Variants in B3GALT1 observed in about 807,000 individuals in gnomAD.
B3GALT1 encodes the protein UDP-Gal:betaGlcNAc beta 1,3-galactosyltransferase, polypeptide 1.
B3GALT1 carries 10 observed loss-of-function variants against 23.2 expected under a neutral mutation model. The observed-to-expected ratio is 0.43, with a 90% confidence interval of 0.27 to 0.73. The LOEUF (loss-of-function observed/expected upper bound fraction) is 0.73, where lower values mean the gene tolerates loss of function less well. Ranked by LOEUF, B3GALT1 falls within the 30% of genes least tolerant of loss-of-function variation. B3GALT1 has a pLI of 0.21. For missense variants in B3GALT1, 299 were observed against 405.4 expected (o/e 0.74, Z 2.25); for synonymous variants, 156 against 141.5 (o/e 1.10, Z -0.73).
chr2:167,310,269 A>G (rs1696615557), intron 1 of B3GALT1, among the ~76,000 whole-genome samples: 1 of 152,082 alleles, frequency 6.6e-6, no homozygotes, highest in Admixed American at 6.6e-5. Flanking sequence ...CTGGTGAGCC[A>G]GTATCTCCCT....
At chr2:167,651,261 TGTGTGTGTGTGC>T (rs752643530) in intron 3 of B3GALT1, among the ~76,000 whole-genome samples, 1 of 14,432 alleles carries the variant, frequency 6.9e-5, no homozygotes, top group Admixed American at 3.0e-4. Flanking sequence ...TGTGTGTGTG[TGTGTGTGTGTGC>T]GCGCACGTGC....
intron 2 of B3GALT1, among the ~76,000 whole-genome samples, chr2:167,573,854 G>T (rs181461917): frequency 4.0e-5 from 6 of 151,690 alleles, no homozygotes; most frequent in Admixed American, 6.6e-5. Context: ...CTGACAAGGT[G>T]CAATTCAAGA....
intron 1 of B3GALT1, among the ~76,000 whole-genome samples, chr2:167,447,135 CCT>C (rs1270366612): frequency 2.6e-5 from 4 of 152,124 alleles, no homozygotes; most frequent in African/African-American, 9.7e-5. Context: ...CACTCCAGAC[CCT>C]GTTTGCCTGG....
At chr2:167,493,295 G>GA (rs2105343645) in intron 2 of B3GALT1, among the ~76,000 whole-genome samples, 1 of 152,118 alleles carries the variant, frequency 6.6e-6, no homozygotes, top group Admixed American at 6.5e-5. Context: ...ACTGGTAGAG[G>GA]GCTACTTTCT....
At chr2:167,766,672 G>A (rs148440411) in intron 3 of B3GALT1, among the ~76,000 whole-genome samples, 1 of 152,266 alleles carries the variant, frequency 6.6e-6, no homozygotes, top group East Asian at 1.9e-4. Flanking sequence ...AATGCCTAAT[G>A]ATTTCCCATC....
chr2:167,752,961 G>T (rs1687762218), intron 3 of B3GALT1, among the ~76,000 whole-genome samples: 1 of 152,166 alleles, frequency 6.6e-6, no homozygotes, highest in South Asian at 2.1e-4. Flanking sequence ...GGATAACTCT[G>T]CATGTGAATA....
intron 1 of B3GALT1, among the ~76,000 whole-genome samples, chr2:167,484,018 T>C (rs1243901479): frequency 1.3e-5 from 2 of 152,222 alleles, no homozygotes; most frequent in Non-Finnish European, 2.9e-5. Context: ...AGAAGCTCCA[T>C]ATGAGCCCTA....
At chr2:167,356,749 A>G (rs1297280641) in intron 1 of B3GALT1, among the ~76,000 whole-genome samples, 1 of 151,964 alleles carries the variant, frequency 6.6e-6, no homozygotes, top group Admixed American at 6.6e-5. Context: ...TGACATATAT[A>G]CATATATGTA....
chr2:167,392,578 G>C (rs148387769), intron 1 of B3GALT1, among the ~76,000 whole-genome samples: 1 of 152,198 alleles, frequency 6.6e-6, no homozygotes, highest in Non-Finnish European at 1.5e-5. Context: ...CTTGTCTTGA[G>C]ATGTATTAAA....
Position 167,504,456 on chromosome 2 carries a change from A to C in B3GALT1, c.-410+14179A>C, listed in dbSNP as rs558373869. On this transcript the variant is annotated intron_variant, in intron 2 of 4. Transcript: ENST00000392690. Reference sequence around the variant, plus strand: ...AGGTCCTGCTTTGATCTGTTTTGTGATTGGGTTGCATGGGAAAGCAAATTA... The same window carrying C: ...AGGTCCTGCTTTGATCTGTTTTGTGCTTGGGTTGCATGGGAAAGCAAATTA... Among the ~76,000 whole-genome samples the C allele has an allele frequency of 2.0e-4, 31 of 152,294 alleles. No homozygotes were observed. In the South Asian group the frequency reaches 6.4e-3, roughly 32 times the overall value.
intron 3 of B3GALT1, chr2:167,714,934 C>T: frequency 5.6e-6 from 9 of 1,611,528 alleles, no homozygotes; most frequent in Non-Finnish European, 7.6e-6. Flanking sequence ...TCTGTTGAAG[C>T]TTCTGATTCT....
At chr2:167,816,035 T>C (rs1389754351) in intron 3 of B3GALT1, among the ~76,000 whole-genome samples, 2 of 152,246 alleles carry the variant, frequency 1.3e-5, no homozygotes, top group African/African-American at 2.4e-5. Context: ...GCAGTGCCTC[T>C]AACTTAAGTA....
chr2:167,392,725 A>G (rs1398391608), intron 1 of B3GALT1, among the ~76,000 whole-genome samples: 1 of 152,198 alleles, frequency 6.6e-6, no homozygotes, highest in African/African-American at 2.4e-5. Flanking sequence ...CCCATAAATT[A>G]TCACAAAAGA....
At chr2:167,830,244 G>A (rs1169210139) in intron 4 of B3GALT1, among the ~76,000 whole-genome samples, 1 of 152,062 alleles carries the variant, frequency 6.6e-6, no homozygotes, top group African/African-American at 2.4e-5. Flanking sequence ...ACCTCACTAA[G>A]GCCGGGTCTT....
intron 4 of B3GALT1, among the ~76,000 whole-genome samples, chr2:167,824,650 GC>G (rs947403325): frequency 3.2e-4 from 49 of 152,268 alleles, no homozygotes; most frequent in Middle Eastern, 3.4e-3. Flanking sequence ...AGCCTCCAGA[GC>G]CTAAGGAAGA....
intron 3 of B3GALT1, among the ~76,000 whole-genome samples, chr2:167,789,528 C>T (rs1025864288): frequency 4.0e-5 from 6 of 151,896 alleles, no homozygotes; most frequent in South Asian, 4.2e-4. Flanking sequence ...ACGGTGGATT[C>T]CAATATAATA....
intron 3 of B3GALT1, among the ~76,000 whole-genome samples, chr2:167,802,233 T>A (rs1389811412): frequency 6.6e-6 from 1 of 152,208 alleles, no homozygotes; most frequent in Non-Finnish European, 1.5e-5. Context: ...ACTTAGCATG[T>A]GGTGAACATG....
At chr2:167,842,509 C>T (rs10205521) in intron 4 of B3GALT1, among the ~76,000 whole-genome samples, 1,993 of 152,246 alleles carry the variant, frequency 0.013, 37 homozygotes, top group African/African-American at 0.045. Flanking sequence ...AATAACAGCA[C>T]CTAGATTGCT....
At chr2:167,661,179 T>C (rs1248654324) in intron 3 of B3GALT1, among the ~76,000 whole-genome samples, 1 of 152,148 alleles carries the variant, frequency 6.6e-6, no homozygotes, top group Non-Finnish European at 1.5e-5. Flanking sequence ...CCTTTAAATC[T>C]TGGAGGCAAC....
Sources: allele counts gnomAD v4.1 joint callset (sites outside exome capture counted in the v4.1 genomes callset), GRCh38; gene constraint gnomAD v4.1.1; transcripts MANE v1.5; gene names NCBI Gene and HGNC (gene_info 2026-07-23, HGNC 2026-07-21).